Variants in BRD10 observed in about 807,000 individuals in gnomAD.
BRD10 encodes the protein uncharacterized bromodomain-containing protein 10.
chr9:5,996,311 T>G, the BRD10 span, among the ~76,000 whole-genome samples: 3 of 140,512 alleles, frequency 2.1e-5, no homozygotes, highest in Admixed American at 7.3e-5. Context: ...AACTTGGTTT[T>G]TTTTTTTGTT....
chr9:5,920,484 T>C, the BRD10 span: 10 of 1,613,444 alleles, frequency 6.2e-6, no homozygotes, highest in East Asian at 1.8e-4. Context: ...TAACTGGGGG[T>C]TTTTACTAAA....
At chr9:5,948,890 G>A in the BRD10 span, among the ~76,000 whole-genome samples, 1 of 152,032 alleles carries the variant, frequency 6.6e-6, no homozygotes, top group African/African-American at 2.4e-5. Context: ...CTAAAACTAT[G>A]CAGATGGGAA....
the BRD10 span, among the ~76,000 whole-genome samples, chr9:5,997,245 T>C: frequency 4.6e-5 from 7 of 152,288 alleles, no homozygotes; most frequent in East Asian, 1.9e-4. Context: ...AAATAAGTAA[T>C]GCTATCAACT....
At chr9:5,908,486 A>G in the BRD10 span, among the ~76,000 whole-genome samples, 1 of 152,238 alleles carries the variant, frequency 6.6e-6, no homozygotes. Flanking sequence ...TGTGAAATTT[A>G]ACAATTACTT....
the BRD10 span, chr9:5,923,344 A>G: frequency 6.8e-7 from 1 of 1,474,526 alleles, no homozygotes; most frequent in Non-Finnish European, 9.2e-7. Flanking sequence ...TTGTTTATAT[A>G]AAACAGCAAC....
the BRD10 span, among the ~76,000 whole-genome samples, chr9:5,893,570 T>C: frequency 6.6e-6 from 1 of 152,134 alleles, no homozygotes; most frequent in African/African-American, 2.4e-5. Context: ...CGGTATCTTC[T>C]CAGAAAATGT....
At chr9:5,990,583 A>G in the BRD10 span, among the ~76,000 whole-genome samples, 8 of 152,234 alleles carry the variant, frequency 5.3e-5, no homozygotes, top group African/African-American at 9.6e-5. Context: ...CTCAGAACAA[A>G]GACCAAAGAG....
At chr9:5,887,138 G>T in the BRD10 span, among the ~76,000 whole-genome samples, 1 of 152,028 alleles carries the variant, frequency 6.6e-6, no homozygotes, top group African/African-American at 2.4e-5. Flanking sequence ...GCATACCTGT[G>T]GTCCCAGCTA....
the BRD10 span, among the ~76,000 whole-genome samples, chr9:5,962,073 G>C: frequency 6.6e-6 from 1 of 151,768 alleles, no homozygotes; most frequent in Non-Finnish European, 1.5e-5. Context: ...GTGATGTTAG[G>C]GTGTCAATTT....
the BRD10 span, among the ~76,000 whole-genome samples, chr9:5,905,009 G>A: frequency 7.9e-5 from 12 of 151,830 alleles, no homozygotes; most frequent in Admixed American, 1.3e-4. Context: ...TCCTGACCTC[G>A]TGATCCACAC....
chr9:5,950,433 GAGA>G, the BRD10 span, among the ~76,000 whole-genome samples: 1 of 152,134 alleles, frequency 6.6e-6, no homozygotes, highest in Non-Finnish European at 1.5e-5. Context: ...TGGAATCATG[GAGA>G]AGTTAAATAC....
At chr9:5,958,716 A>G in the BRD10 span, among the ~76,000 whole-genome samples, 4 of 152,332 alleles carry the variant, frequency 2.6e-5, no homozygotes, top group African/African-American at 7.2e-5. Flanking sequence ...TTATCCCAAC[A>G]CATTCACTCC....
At chr9:6,007,630 G>A in the BRD10 span, 2 of 1,601,834 alleles carry the variant, frequency 1.2e-6, no homozygotes, top group Non-Finnish European at 1.7e-6. Flanking sequence ...CTGATCGTCC[G>A]CGTCCTCCAG....
the BRD10 span, among the ~76,000 whole-genome samples, chr9:5,971,756 G>A: frequency 6.6e-6 from 1 of 152,100 alleles, no homozygotes; most frequent in African/African-American, 2.4e-5. Context: ...GAGGATGGTA[G>A]TGGGCAGGTA....
chr9:5,892,692 A>C, the BRD10 span: 1 of 655,676 alleles, frequency 1.5e-6, no homozygotes, highest in Non-Finnish European at 2.5e-6. Context: ...CAACAAGGGG[A>C]GGAGATTCTG....
chr9:5,887,817 G>A, the BRD10 span, among the ~76,000 whole-genome samples: 2 of 152,200 alleles, frequency 1.3e-5, no homozygotes, highest in Non-Finnish European at 2.9e-5. Context: ...TGTTCTTTCT[G>A]AAATGCTCTC....
the BRD10 span, among the ~76,000 whole-genome samples, chr9:5,906,329 CAA>C: frequency 4.7e-4 from 62 of 132,546 alleles, no homozygotes; most frequent in Non-Finnish European, 4.8e-4. Flanking sequence ...GACTCTGTCT[CAA>C]AAAAAAAAAA....
At chr9:5,927,542 T>A in the BRD10 span, among the ~76,000 whole-genome samples, 3 of 152,162 alleles carry the variant, frequency 2.0e-5, no homozygotes, top group African/African-American at 7.2e-5. Flanking sequence ...TCTCCCCTAA[T>A]TCTCCTGAAT....
At chr9:5,993,034 A>T in the BRD10 span, among the ~76,000 whole-genome samples, 1 of 152,010 alleles carries the variant, frequency 6.6e-6, no homozygotes, top group Non-Finnish European at 1.5e-5. Context: ...TTCTAAATGA[A>T]GCCAGGCGCA....
Sources: allele counts gnomAD v4.1 joint callset (sites outside exome capture counted in the v4.1 genomes callset), GRCh38; gene constraint gnomAD v4.1.1; transcripts MANE v1.5; gene names NCBI Gene and HGNC (gene_info 2026-07-23, HGNC 2026-07-21).